The following RNF144B variants were observed in gnomAD, a reference collection of about 807,000 sequenced individuals.
RNF144B encodes the protein E3 ubiquitin-protein ligase RNF144B.
A neutral mutation model predicts 40.2 loss-of-function variants in RNF144B; 25 were observed. The ratio of observed to expected loss-of-function variants is 0.62; its 90% CI spans 0.45 to 0.87. The LOEUF (loss-of-function observed/expected upper bound fraction) is 0.87, where lower values mean the gene tolerates loss of function less well. Ranked by LOEUF, RNF144B falls within the 40% of genes least tolerant of loss-of-function variation. The pLI is 0.00. For synonymous variants in RNF144B, 145 were observed against 136.3 expected, an observed-to-expected ratio of 1.06 and a Z score of -0.44; for missense variants, 365 against 373.7, an observed-to-expected ratio of 0.98 and a Z score of 0.19.
At chr6:18,426,675 C>G (rs767226383) in intron 2 of RNF144B, among the ~76,000 whole-genome samples, 1 of 151,118 alleles carries the variant, frequency 6.6e-6, no homozygotes, top group South Asian at 2.1e-4. Flanking sequence ...AGTTTCTTCT[C>G]TGGTTTTCTT....
chr6:18,438,098 C>T (rs1319516945), intron 3 of RNF144B, among the ~76,000 whole-genome samples: 1 of 152,158 alleles, frequency 6.6e-6, no homozygotes, highest in Non-Finnish European at 1.5e-5. Flanking sequence ...GGTCCAGAAG[C>T]TGACGTAGCA....
Position 18,464,739 on chromosome 6 carries a change from C to T in RNF144B, c.772-188C>T, listed in dbSNP as rs1759539209. 6.6e-6 allele frequency among the ~76,000 whole-genome samples: 1 copy of T among 152,164 alleles called. No homozygotes were observed. Among genetic ancestry groups the T allele is most frequent in the Non-Finnish European group, 1.5e-5 (1 of 68,034 alleles). On this transcript the variant is annotated intron_variant, in intron 7 of 7. Transcript: ENST00000259939. The surrounding 1 kb of genome is among the most constrained non-coding windows in gnomAD (Gnocchi z 6.1). ...ACCAATCCCATCATGAGGGCCCTGCCCTCATAAACCAACTAACTTCTAAAG... is the reference window on the plus strand; with the variant it reads ...ACCAATCCCATCATGAGGGCCCTGCTCTCATAAACCAACTAACTTCTAAAG...
In RNF144B at chr6:18,462,622, T is replaced by C. The variant is rs183263995; in HGVS notation, c.682-669T>C. Among the ~76,000 whole-genome samples, 15 of 152,106 alleles carry C rather than the reference T, an allele frequency of 9.9e-5. No individual in the cohort carries two copies. The East Asian group carries it at 2.9e-3, about 29-fold the overall frequency. On this transcript the variant is annotated intron_variant, in intron 6 of 7. Transcript: ENST00000259939. ...AGACCATTAGATAGATTATCTACAC[T>C]TAATTTGGACCCTGAGCTAGTTTCT... is the stretch of plus-strand genomic sequence containing the variant.
rs1259743884 is a variant in RNF144B, at chr6:18,460,886, T to C, written c.681+1135T>C. 6.6e-6 allele frequency among the ~76,000 whole-genome samples: 1 copy of C among 152,240 alleles called. No individual in the cohort carries two copies. The highest frequency in any genetic ancestry group is 1.9e-4 in the East Asian group (1 of 5,190). ...TGGGGTAACATAAGTTGTTTATAGATAACACTCTGTTTTGGCAATTTGGAC... is the reference window on the plus strand; with the variant it reads ...TGGGGTAACATAAGTTGTTTATAGACAACACTCTGTTTTGGCAATTTGGAC... On this transcript the variant is annotated intron_variant, in intron 6 of 7. Transcript: ENST00000259939. The surrounding 1 kb of genome is among the most constrained non-coding windows in gnomAD (Gnocchi z 4.4).
Position 18,465,074 on chromosome 6 carries a change from CTG to C in RNF144B, c.*11_*12del. On this transcript the variant is annotated 3_prime_UTR_variant, in exon 8 of 8. Transcript: ENST00000259939. ...CGACCCATCCACAACCTAAAGATCT[CTG>C]TGTTCATACGCCCCAGATATGTGAG... The C allele has an allele frequency of 6.2e-7, 1 of 1,613,318 alleles. No homozygotes were observed. Among genetic ancestry groups the C allele is most frequent in the African/African-American group, 1.3e-5 (1 of 74,992 alleles).
Position 18,387,376 on chromosome 6 carries a change from A to G in RNF144B, c.-291A>G. 5.2e-6 allele frequency: 6 copies of G among 1,158,472 alleles called. No homozygotes were observed. Among genetic ancestry groups the G allele is most frequent in the Non-Finnish European group, 6.5e-6 (6 of 924,014 alleles). The allele number at this position is 1,158,472 out of a possible 1,614,324, so 71.8% of individuals were successfully genotyped here. ...AGCTGTGCCCCACGCTCCCGCTGCAACAGTCCCGGGCATCGCAGCTGCCAG... is the reference window on the plus strand; with the variant it reads ...AGCTGTGCCCCACGCTCCCGCTGCAGCAGTCCCGGGCATCGCAGCTGCCAG... On this transcript the variant is annotated 5_prime_UTR_variant, in exon 1 of 8. Coordinates refer to ENST00000259939, the MANE Select transcript of RNF144B (RefSeq NM_182757.4).
intron 3 of RNF144B, among the ~76,000 whole-genome samples, chr6:18,433,867 C>G (rs12524807): frequency 0.13 from 19,381 of 152,098 alleles, 1,382 homozygotes; most frequent in Admixed American, 0.19. Flanking sequence ...TCGTTCTCTG[C>G]GTTGTGAAAA....
At chr6:18,401,106 T>A (rs1794794551) in intron 2 of RNF144B, among the ~76,000 whole-genome samples, 1 of 151,622 alleles carries the variant, frequency 6.6e-6, no homozygotes. Context: ...TGAAAATCAG[T>A]ATGCAAATAT....
Position 18,408,001 on chromosome 6 carries a change from T to C in RNF144B, c.165+8302T>C, listed in dbSNP as rs7758874. ...TTCTTTTTCTTTTTTTTTTTTTTTTTCCAGACAGAATCTCATTTTGTTGCC... is the reference window on the plus strand; with the variant it reads ...TTCTTTTTCTTTTTTTTTTTTTTTTCCCAGACAGAATCTCATTTTGTTGCC... On this transcript the variant is annotated intron_variant, in intron 2 of 7. Coordinates refer to ENST00000259939, the MANE Select transcript of RNF144B (RefSeq NM_182757.4). 7.8e-3 allele frequency among the ~76,000 whole-genome samples: 975 copies of C among 124,548 alleles called. 14 individuals are homozygous for C. Among genetic ancestry groups the C allele is most frequent in the African/African-American group, 0.027 (915 of 34,208 alleles). 81.7% of individuals were successfully genotyped at this position (124,548 alleles called of 152,430 possible). A position where few individuals can be genotyped will look rare whatever the true frequency, so the allele number is the denominator to read the frequency against.
intron 1 of RNF144B, among the ~76,000 whole-genome samples, chr6:18,389,947 C>A (rs1214367760): frequency 2.6e-5 from 4 of 152,162 alleles, no homozygotes; most frequent in African/African-American, 7.2e-5. Flanking sequence ...GAGAACCAGG[C>A]CTTTAATATT....
In RNF144B at chr6:18,448,198, G is replaced by A. The variant is rs145550467; in HGVS notation, c.331+8454G>A. ...AAGGAACTTATGATCCAGCAGAAAG[G>A]GATGATACAGGAGAGGGAGGGGGGA... On this transcript the variant is annotated intron_variant, in intron 4 of 7. Coordinates refer to ENST00000259939, the MANE Select transcript of RNF144B (RefSeq NM_182757.4). This position sits in a 1 kb window ranked among gnomAD's most constrained non-coding sequence, Gnocchi z 4.0. Among the ~76,000 whole-genome samples the A allele has an allele frequency of 2.0e-4, 31 of 152,170 alleles. No homozygotes were observed. Among genetic ancestry groups the A allele is most frequent in the African/African-American group, 6.0e-4 (25 of 41,510 alleles).
At chr6:18,455,207 G>A (rs1363478983) in intron 4 of RNF144B, among the ~76,000 whole-genome samples, 1 of 152,130 alleles carries the variant, frequency 6.6e-6, no homozygotes, top group African/African-American at 2.4e-5. Flanking sequence ...GTCCATCTCT[G>A]TTGGGGTCTG....
chr6:18,443,955 G>A lies in RNF144B; in HGVS notation c.331+4211G>A, dbSNP rs1759020752. Among the ~76,000 whole-genome samples the A allele has an allele frequency of 6.6e-6, 1 of 152,270 alleles. No homozygotes were observed. The highest frequency in any genetic ancestry group is 2.1e-4 in the South Asian group (1 of 4,828). On this transcript the variant is annotated intron_variant, in intron 4 of 7. Transcript: ENST00000259939. This position sits in a 1 kb window ranked among gnomAD's most constrained non-coding sequence, Gnocchi z 4.7. The stretch of plus-strand genomic sequence containing the variant: ...ACTGTGAGACAGAATTGTAGAGATT[G>A]CTGCTGCTCTGGAAAAACGTAGAAT...
rs1196188699 is a variant in RNF144B, at chr6:18,434,607, A to G, written c.271-5077A>G. ...AGCAAAGACATTCAGCTGAGTAGGAACTGAGTGTTTTTGTTTTGTTTGTTT... is the reference window on the plus strand; with the variant it reads ...AGCAAAGACATTCAGCTGAGTAGGAGCTGAGTGTTTTTGTTTTGTTTGTTT... On this transcript the variant is annotated intron_variant, in intron 3 of 7. Coordinates refer to ENST00000259939, the MANE Select transcript of RNF144B (RefSeq NM_182757.4). The surrounding 1 kb of genome is among the most constrained non-coding windows in gnomAD (Gnocchi z 4.1). 6.6e-6 allele frequency among the ~76,000 whole-genome samples: 1 copy of G among 151,400 alleles called. No homozygotes were observed.
chr6:18,439,691 G>GT lies in RNF144B; in HGVS notation c.281dup (p.Leu94PhefsTer16). On this transcript the variant is annotated frameshift_variant, in exon 4 of 8. Transcript: ENST00000259939. LOFTEE classifies it high-confidence loss of function. The stretch of plus-strand genomic sequence containing the variant: ...TTATGTCTCTGGTTTCAGATTGCCT[G>GT]TTTGGTACCTGTGGACCAGTTTCAA... 6.2e-7 allele frequency: 1 copy of GT among 1,612,238 alleles called. No homozygotes were observed. Among genetic ancestry groups the GT allele is most frequent in the Non-Finnish European group, 8.5e-7 (1 of 1,178,380 alleles).
Position 18,459,505 on chromosome 6 carries a change from A to T in RNF144B, c.537-102A>T. 1 of 1,162,088 alleles carries T rather than the reference A, an allele frequency of 8.6e-7. No homozygotes were observed. The highest frequency in any genetic ancestry group is 1.2e-6 in the Non-Finnish European group (1 of 811,688). 72.0% of individuals were successfully genotyped at this position (1,162,088 alleles called of 1,614,324 possible). ...ACACCCTTTCTTTTGGAAGTGAATTAAGCATGGATAACTGTGAGTTCATTA... is the reference window on the plus strand; with the variant it reads ...ACACCCTTTCTTTTGGAAGTGAATTTAGCATGGATAACTGTGAGTTCATTA... On this transcript the variant is annotated intron_variant, in intron 5 of 7. Coordinates refer to ENST00000259939, the MANE Select transcript of RNF144B (RefSeq NM_182757.4). The surrounding 1 kb of genome is among the most constrained non-coding windows in gnomAD (Gnocchi z 4.2).
Position 18,454,060 on chromosome 6 carries a change from C to G in RNF144B, c.332-3095C>G, listed in dbSNP as rs578147463. 5.4e-4 allele frequency among the ~76,000 whole-genome samples: 82 copies of G among 152,272 alleles called. 1 individual carries two copies. In the South Asian group the frequency reaches 0.016, roughly 30 times the overall value. ...GAAAACACAAATTATTTTTTACCAA[C>G]CTAATAGCATCTCTGAATCATTTAG... On this transcript the variant is annotated intron_variant, in intron 4 of 7. Coordinates refer to ENST00000259939, the MANE Select transcript of RNF144B (RefSeq NM_182757.4).
chr6:18,455,830 T>C (rs1456796631), intron 4 of RNF144B, among the ~76,000 whole-genome samples: 1 of 152,342 alleles, frequency 6.6e-6, no homozygotes, highest in Middle Eastern at 3.4e-3. Context: ...CAATGTGTTA[T>C]GACTAGCTAT....
At position 18,443,428 on chromosome 6, in the gene RNF144B, A is replaced by G. The variant is rs753497524; in HGVS notation, c.331+3684A>G. 1.8e-3 allele frequency among the ~76,000 whole-genome samples: 266 copies of G among 151,784 alleles called. No individual in the cohort carries two copies. The highest frequency in any genetic ancestry group is 3.2e-3 in the Non-Finnish European group (218 of 67,942). On this transcript the variant is annotated intron_variant, in intron 4 of 7. Transcript: ENST00000259939. This position sits in a 1 kb window ranked among gnomAD's most constrained non-coding sequence, Gnocchi z 4.7. ...CAGGTGCCTGCCACCACACTTGGCT[A>G]ATTTCATATTTTAGTAGAGATGGGG...
Sources: allele counts gnomAD v4.1 joint callset (sites outside exome capture counted in the v4.1 genomes callset), GRCh38; gene constraint gnomAD v4.1.1; non-coding constraint Gnocchi (gnomAD v3.1); transcripts MANE v1.5; gene names NCBI Gene and HGNC (gene_info 2026-07-23, HGNC 2026-07-21).